Variants in AGBL4 observed in about 807,000 individuals in gnomAD.
AGBL4 encodes cytosolic carboxypeptidase 6.
AGBL4 carries 58 observed loss-of-function variants against 66.4 expected under a neutral mutation model. That is an observed-to-expected ratio of 0.87 (90% CI 0.71 to 1.09). AGBL4 has a LOEUF of 1.09. AGBL4 is among the 50% of genes least tolerant of loss of function. The pLI, the probability that AGBL4 is intolerant of heterozygous loss-of-function variation, is 0.00. For missense variants in AGBL4, 579 were observed against 631.0 expected (o/e 0.92, Z 0.88); for synonymous variants, 234 against 222.9 (o/e 1.05, Z -0.44).
At chr1:48,834,890 C>G (rs1377929845) in intron 6 of AGBL4, among the ~76,000 whole-genome samples, 1 of 152,146 alleles carries the variant, frequency 6.6e-6, no homozygotes, top group African/African-American at 2.4e-5. Flanking sequence ...GCATGTTCAG[C>G]ATCTGGAGAG....
At chr1:48,749,838 C>T (rs541651035) in intron 6 of AGBL4, among the ~76,000 whole-genome samples, 7 of 152,160 alleles carry the variant, frequency 4.6e-5, no homozygotes, top group Non-Finnish European at 8.8e-5. Flanking sequence ...ATGTGCAGAA[C>T]GCCCTGTCAA....
chr1:49,445,403 A>G (rs549171298), intron 3 of AGBL4, among the ~76,000 whole-genome samples: 26 of 152,240 alleles, frequency 1.7e-4, no homozygotes, highest in African/African-American at 6.0e-4. Context: ...AGACTTGAAA[A>G]AATTTCATCT....
intron 3 of AGBL4, among the ~76,000 whole-genome samples, chr1:49,692,470 G>C (rs933651823): frequency 1.3e-5 from 2 of 152,102 alleles, no homozygotes; most frequent in Non-Finnish European, 2.9e-5. Flanking sequence ...TGTAATCCCA[G>C]CACTTTGGGA....
chr1:49,162,130 G>T (rs1055492916), intron 4 of AGBL4, among the ~76,000 whole-genome samples: 1 of 152,072 alleles, frequency 6.6e-6, no homozygotes. Flanking sequence ...TTAGCATTAT[G>T]GTCAGTAATT....
In AGBL4 at chr1:49,222,851, C is replaced by G. The variant is rs575730306; in HGVS notation, c.377+22919G>C. Among the ~76,000 whole-genome samples, 5 of 152,226 alleles carry G rather than the reference C, an allele frequency of 3.3e-5. No individual in the cohort carries two copies. The East Asian group carries it at 9.6e-4, about 29-fold the overall frequency. ...ATTAATAAGTAGATAATACTGAACCCAGAGCATAGTTTTTGGCAAGGGTCT... is the reference window on the plus strand; with the variant it reads ...ATTAATAAGTAGATAATACTGAACCGAGAGCATAGTTTTTGGCAAGGGTCT... On this transcript the variant is annotated intron_variant, in intron 4 of 13. Coordinates refer to ENST00000371839, the MANE Select transcript of AGBL4 (RefSeq NM_032785.4).
At chr1:49,352,632 G>T (rs1233655990) in intron 3 of AGBL4, among the ~76,000 whole-genome samples, 1 of 152,084 alleles carries the variant, frequency 6.6e-6, no homozygotes, top group Non-Finnish European at 1.5e-5. Context: ...GGAGACAGTG[G>T]CTTGATCTAG....
At chr1:48,850,469 C>A (rs1009413160) in intron 6 of AGBL4, among the ~76,000 whole-genome samples, 24 of 152,182 alleles carry the variant, frequency 1.6e-4, no homozygotes, top group African/African-American at 5.8e-4. Flanking sequence ...ATGACTATCT[C>A]ATCCCAATAC....
chr1:49,527,651 C>A (rs1650774414), intron 3 of AGBL4: 1 of 152,310 alleles, frequency 6.6e-6, no homozygotes, highest in South Asian at 2.1e-4. Flanking sequence ...CTTGACTGGA[C>A]AAATTACAAC....
chr1:49,175,533 C>G (rs1352829506), intron 4 of AGBL4, among the ~76,000 whole-genome samples: 1 of 152,010 alleles, frequency 6.6e-6, no homozygotes. Context: ...GATCAACATT[C>G]ATTAAAACAT....
chr1:48,912,338 G>A (rs921924003), intron 5 of AGBL4, among the ~76,000 whole-genome samples: 2 of 152,138 alleles, frequency 1.3e-5, no homozygotes, highest in African/African-American at 4.8e-5. Context: ...TCATCCCATT[G>A]AGCACAAGCC....
At chr1:49,979,477 A>T (rs529897941) in intron 1 of AGBL4, among the ~76,000 whole-genome samples, 1 of 152,170 alleles carries the variant, frequency 6.6e-6, no homozygotes, top group Admixed American at 6.5e-5. Context: ...CAAAAAAAAA[A>T]AAAAACTTAC....
chr1:49,043,544 G>A (rs1644000999), intron 5 of AGBL4, among the ~76,000 whole-genome samples: 3 of 152,070 alleles, frequency 2.0e-5, no homozygotes, highest in African/African-American at 7.2e-5. Flanking sequence ...CTTTGTCATT[G>A]CATACATTGC....
chr1:49,592,086 A>G (rs1338171088), intron 3 of AGBL4, among the ~76,000 whole-genome samples: 3 of 152,214 alleles, frequency 2.0e-5, no homozygotes, highest in Non-Finnish European at 4.4e-5. Flanking sequence ...AAATTGACAA[A>G]TGGGATCTAA....
chr1:48,858,618 A>G (rs1203038736), intron 6 of AGBL4, among the ~76,000 whole-genome samples: 1 of 152,236 alleles, frequency 6.6e-6, no homozygotes, highest in Non-Finnish European at 1.5e-5. Flanking sequence ...TAAAATGTCC[A>G]CAATAGGCAA....
At chr1:49,538,707 TA>T (rs1651790638) in intron 3 of AGBL4, among the ~76,000 whole-genome samples, 1 of 152,186 alleles carries the variant, frequency 6.6e-6, no homozygotes, top group Non-Finnish European at 1.5e-5. Flanking sequence ...TCAAACTCAC[TA>T]ATAAATTTAA....
At chr1:49,492,825 T>A (rs952856663) in intron 3 of AGBL4, among the ~76,000 whole-genome samples, 2 of 151,968 alleles carry the variant, frequency 1.3e-5, no homozygotes, top group Admixed American at 1.3e-4. Flanking sequence ...TACTGAGCAC[T>A]GTATTAGTCT....
intron 1 of AGBL4, among the ~76,000 whole-genome samples, chr1:49,933,753 A>C (rs1483621214): frequency 6.6e-6 from 1 of 152,120 alleles, no homozygotes; most frequent in Non-Finnish European, 1.5e-5. Flanking sequence ...ACACCTAATG[A>C]CCATCACAAA....
intron 3 of AGBL4, among the ~76,000 whole-genome samples, chr1:49,592,135 A>G (rs1644763434): frequency 6.6e-6 from 1 of 152,194 alleles, no homozygotes; most frequent in African/African-American, 2.4e-5. Context: ...TAAACTGCCA[A>G]TAGAATAAAC....
At chr1:49,777,572 G>GA (rs1644230420) in intron 2 of AGBL4, among the ~76,000 whole-genome samples, 1 of 152,134 alleles carries the variant, frequency 6.6e-6, no homozygotes, top group Non-Finnish European at 1.5e-5. Flanking sequence ...GGACACATCT[G>GA]AAAAGCCCAG....
Sources: allele counts gnomAD v4.1 joint callset (sites outside exome capture counted in the v4.1 genomes callset), GRCh38; gene constraint gnomAD v4.1.1; transcripts MANE v1.5; gene names NCBI Gene and HGNC (gene_info 2026-07-23, HGNC 2026-07-21).